The following TNRC6A variants were observed in gnomAD, a reference collection of about 807,000 sequenced individuals.
TNRC6A encodes trinucleotide repeat-containing gene 6A protein.
A neutral mutation model predicts 221.2 loss-of-function variants in TNRC6A; 44 were observed. The observed-to-expected ratio is 0.20, with a 90% CI of 0.16 to 0.26. The LOEUF (loss-of-function observed/expected upper bound fraction) is 0.26, where lower values mean the gene tolerates loss of function less well. TNRC6A is among the 10% of genes least tolerant of loss of function. The pLI, the probability that TNRC6A is intolerant of heterozygous loss-of-function variation, is 1.00. For synonymous variants in TNRC6A, 847 were observed against 838.5 expected, an observed-to-expected ratio of 1.01 and a Z score of -0.18; for missense variants, 2,199 against 2,404.4, an observed-to-expected ratio of 0.91 and a Z score of 1.79.
Position 24,663,648 on chromosome 16 carries a change from A to T in TNRC6A, n.402+22639A>T, listed in dbSNP as rs985281970. 3 of 261,420 alleles carry T rather than the reference A, an allele frequency of 1.1e-5. No homozygotes were observed. In the Admixed American group the frequency reaches 1.4e-4, roughly 12 times the overall value. The allele number at this position is 261,420 out of a possible 1,614,324, so 16.2% of individuals were successfully genotyped here. A position where few individuals can be genotyped will look rare whatever the true frequency, so the allele number is the denominator to read the frequency against. On this transcript the variant is annotated intron_variant and non_coding_transcript_variant, in intron 2 of 2. Coordinates refer to the TNRC6A transcript ENST00000566108. ...AGCTTGCAGCTGTACCCTCCTAGAT[A>T]GTCATATGTGCAGTGCTTAAGTCTC... is the stretch of plus-strand genomic sequence containing the variant.
At chr16:24,641,334 G>T (rs994025346) in intron 2 of TNRC6A, among the ~76,000 whole-genome samples, 1 of 152,142 alleles carries the variant, frequency 6.6e-6, no homozygotes, top group African/African-American at 2.4e-5. Flanking sequence ...ATGATTCACA[G>T]TGTTAGGAAA....
At chr16:24,675,717 T>TATATAC in intron 2 of TNRC6A, among the ~76,000 whole-genome samples, 1 of 113,154 alleles carries the variant, frequency 8.8e-6, no homozygotes, top group African/African-American at 3.2e-5. Flanking sequence ...TATATATATA[T>TATATAC]ATATATATAT....
At chr16:24,662,103 T>G (rs1159932977) in intron 2 of TNRC6A, 1 of 152,098 alleles carries the variant, frequency 6.6e-6, no homozygotes, top group Non-Finnish European at 1.5e-5. Context: ...TGCTCTTTAA[T>G]TCATGTATAG....
chr16:24,734,099 C>T (rs1255977325), intron 2 of TNRC6A, among the ~76,000 whole-genome samples: 1 of 152,064 alleles, frequency 6.6e-6, no homozygotes, highest in African/African-American at 2.4e-5. Flanking sequence ...TGCTTGAGCC[C>T]AGCAGTTTGA....
At chr16:24,701,405 G>A (rs1297159417) in intron 2 of TNRC6A, among the ~76,000 whole-genome samples, 5 of 148,176 alleles carry the variant, frequency 3.4e-5, no homozygotes, top group African/African-American at 7.5e-5. Flanking sequence ...TCGCTCTGTC[G>A]CCCAGGCTGG....
chr16:24,725,210 C>T (rs1381374818), upstream of TNRC6A, among the ~76,000 whole-genome samples: 1 of 152,120 alleles, frequency 6.6e-6, no homozygotes, highest in Non-Finnish European at 1.5e-5. Context: ...CACTCTGTCA[C>T]CCAGACTGGA....
Position 24,820,158 on chromosome 16 carries a change from A to T in TNRC6A, c.5100A>T (p.Lys1700Asn). The T allele has an allele frequency of 6.2e-7, 1 of 1,614,090 alleles. No homozygotes were observed. The change falls in exon 22 of 25, where the codon AAA becomes AAT. Residue 1700 changes from lysine to asparagine, a missense_variant. Around this residue, in one of 8 missense-constraint regions of TNRC6A, gnomAD observed 449 missense variants for 579.7 expected, o/e 0.77. Coordinates refer to ENST00000395799, the MANE Select transcript of TNRC6A (RefSeq NM_014494.4). ...QSTSARNSDS[K>N]LTWSPGSVTN... Reference sequence around the variant, plus strand: ...GAGTAGCCAGAAATAGTGATTCCAAATTGACATGGTCTCCTGGTTCAGTTA... The same window carrying T: ...GAGTAGCCAGAAATAGTGATTCCAATTTGACATGGTCTCCTGGTTCAGTTA...
At chr16:24,619,808 G>T (rs967604853) in intron 1 of TNRC6A, among the ~76,000 whole-genome samples, 1 of 152,208 alleles carries the variant, frequency 6.6e-6, no homozygotes, top group East Asian at 1.9e-4. Context: ...AGGAGCAGAT[G>T]TCAGAGAAGC....
intron 2 of TNRC6A, among the ~76,000 whole-genome samples, chr16:24,659,194 AC>A (rs2054977922): frequency 6.6e-6 from 1 of 151,786 alleles, no homozygotes; most frequent in Non-Finnish European, 1.5e-5. Context: ...TGTTTTTCTA[AC>A]TTCTTTGAGT....
chr16:24,734,705 GATAAA>G (rs1359741424), intron 2 of TNRC6A, among the ~76,000 whole-genome samples: 2 of 152,146 alleles, frequency 1.3e-5, no homozygotes, highest in Admixed American at 1.3e-4. Flanking sequence ...TTGCACAATA[GATAAA>G]ATATAATTTT....
At chr16:24,764,474 G>A (rs915473577) in intron 4 of TNRC6A, among the ~76,000 whole-genome samples, 6 of 151,492 alleles carry the variant, frequency 4.0e-5, no homozygotes, top group Non-Finnish European at 7.4e-5. Flanking sequence ...TTACAGGCGC[G>A]TACCACCACA....
At chr16:24,694,262 C>T (rs888587010) in intron 2 of TNRC6A, among the ~76,000 whole-genome samples, 3 of 152,208 alleles carry the variant, frequency 2.0e-5, no homozygotes, top group Admixed American at 6.5e-5. Flanking sequence ...CATAGCCAGG[C>T]CCCCGTCTCC....
intron 2 of TNRC6A, among the ~76,000 whole-genome samples, chr16:24,680,464 A>C (rs1462491296): frequency 6.6e-6 from 1 of 151,686 alleles, no homozygotes; most frequent in Non-Finnish European, 1.5e-5. Context: ...TCACACCTGT[A>C]ATCCCAACAG....
chr16:24,707,755 A>G (rs924886140), intron 2 of TNRC6A, among the ~76,000 whole-genome samples: 5 of 152,214 alleles, frequency 3.3e-5, no homozygotes, highest in Admixed American at 3.3e-4. Flanking sequence ...TGGCAAAGAT[A>G]GTGTTAAATA....
At chr16:24,660,866 C>A (rs1319119471) in intron 2 of TNRC6A, among the ~76,000 whole-genome samples, 1 of 151,378 alleles carries the variant, frequency 6.6e-6, no homozygotes, top group African/African-American at 2.4e-5. Flanking sequence ...CTCAGCCTCC[C>A]GAGTAGCTGG....
At chr16:24,814,426 T>C (rs1480835399) in intron 18 of TNRC6A, among the ~76,000 whole-genome samples, 7 of 148,542 alleles carry the variant, frequency 4.7e-5, no homozygotes, top group Admixed American at 4.7e-4. Context: ...TTTTTTTTTT[T>C]GGAGACGGAG....
chr16:24,645,961 G>A (rs772262268), intron 2 of TNRC6A, among the ~76,000 whole-genome samples: 3 of 151,298 alleles, frequency 2.0e-5, no homozygotes, highest in Non-Finnish European at 2.9e-5. Flanking sequence ...AGAGGTTGCC[G>A]TGAGCCAAGA....
chr16:24,796,132 G>C, intron 9 of TNRC6A, 193 bp downstream of exon 9: 1 of 508,384 alleles, frequency 2.0e-6, no homozygotes, highest in Non-Finnish European at 3.5e-6. Context: ...GAGCTTCATA[G>C]AAGTGTCAGC....
chr16:24,716,594 G>A (rs1017082791), intron 2 of TNRC6A, among the ~76,000 whole-genome samples: 2 of 152,128 alleles, frequency 1.3e-5, no homozygotes, highest in African/African-American at 2.4e-5. Flanking sequence ...ATTTGCACCT[G>A]GGAGGTAGTC....
Sources: allele counts gnomAD v4.1 joint callset (sites outside exome capture counted in the v4.1 genomes callset), GRCh38; gene constraint gnomAD v4.1.1; regional missense constraint gnomAD v4.1.1; transcripts MANE v1.5; gene names NCBI Gene and HGNC (gene_info 2026-07-23, HGNC 2026-07-21).